The following CLEC16A variants were observed in gnomAD, a reference collection of about 807,000 sequenced individuals.
The protein encoded by CLEC16A is C-type lectin domain containing 16A.
Under a neutral mutation model 109.5 loss-of-function variants are expected in CLEC16A, and 51 were observed. The ratio of observed to expected loss-of-function variants is 0.47; its 90% CI spans 0.37 to 0.59. The LOEUF (loss-of-function observed/expected upper bound fraction) is 0.59, where lower values mean the gene tolerates loss of function less well. Among genes scored for constraint, CLEC16A ranks in the 20% least tolerant of loss-of-function variants. CLEC16A has a pLI of 0.00. For missense variants in CLEC16A, 1,339 were observed against 1,394.0 expected (o/e 0.96, Z 0.63); for synonymous variants, 673 against 564.2 (o/e 1.19, Z -2.73).
intron 19 of CLEC16A, chr16:11,070,431 T>G (rs541442145): frequency 6.7e-6 from 1 of 149,366 alleles, no homozygotes; most frequent in South Asian, 2.3e-4. Flanking sequence ...GGTCTCAAAC[T>G]CCTGTGCTCA....
chr16:11,155,384 A>G (rs1298641313), intron 22 of CLEC16A, among the ~76,000 whole-genome samples: 1 of 152,196 alleles, frequency 6.6e-6, no homozygotes, highest in African/African-American at 2.4e-5. Context: ...TCTCCTCACC[A>G]CCGTATCCTG....
At chr16:11,024,707 T>C (rs1597097266) in intron 12 of CLEC16A, 114 bp from the exon 13 acceptor site, 2 of 731,328 alleles carry the variant, frequency 2.7e-6, no homozygotes, top group South Asian at 3.3e-5. Flanking sequence ...AGGCACACAG[T>C]TGTGGCCTAA....
In CLEC16A at chr16:11,060,967, G is replaced by C. The variant is rs1294108851; in HGVS notation, c.2061G>C (p.Gln687His). 3 of 1,612,696 alleles carry C rather than the reference G, an allele frequency of 1.9e-6. No homozygotes were observed. Among genetic ancestry groups the C allele is most frequent in the Middle Eastern group, 1.6e-4 (1 of 6,062 alleles). ...SLQLRGEPET[Q>H]LPLTREEDLI... ...AATTGCGAGGGGAGCCTGAGACACA[G>C]TTGCCGCTGACTCGGGAGGAGGACC... The change falls in exon 19 of 24, where the codon CAG becomes CAC. Residue 687 changes from glutamine to histidine, a missense_variant. Around this residue, in one of 3 missense-constraint regions of CLEC16A, gnomAD observed 1,061 missense variants for 1,006.8 expected, o/e 1.05. Transcript: ENST00000409790.
intron 22 of CLEC16A, among the ~76,000 whole-genome samples, chr16:11,136,763 G>A (rs1332022161): frequency 6.6e-6 from 1 of 152,208 alleles, no homozygotes; most frequent in Non-Finnish European, 1.5e-5. Flanking sequence ...AGCCAGGGCT[G>A]GAGAAGAGCA....
intron 11 of CLEC16A, among the ~76,000 whole-genome samples, chr16:11,007,546 C>T (rs2045102826): frequency 6.6e-6 from 1 of 152,198 alleles, no homozygotes; most frequent in African/African-American, 2.4e-5. Context: ...GAGGGGACTT[C>T]CTAATGCCTG....
At chr16:11,044,411 T>C (rs1337023020) in intron 16 of CLEC16A, among the ~76,000 whole-genome samples, 2 of 152,226 alleles carry the variant, frequency 1.3e-5, no homozygotes, top group Non-Finnish European at 2.9e-5. Flanking sequence ...GATGCACTTA[T>C]GTTCATAAGT....
intron 22 of CLEC16A, among the ~76,000 whole-genome samples, chr16:11,131,836 C>G (rs1017024844): frequency 7.2e-5 from 11 of 152,212 alleles, no homozygotes; most frequent in Non-Finnish European, 1.5e-4. Context: ...CCCCTCGGCT[C>G]TCTGCAGATG....
At chr16:10,946,269 G>C (rs1205415789) in intron 1 of CLEC16A, among the ~76,000 whole-genome samples, 1 of 152,228 alleles carries the variant, frequency 6.6e-6, no homozygotes, top group Non-Finnish European at 1.5e-5. Flanking sequence ...GGATTGGTGG[G>C]AGGGAATTAG....
At chr16:11,015,527 G>A (rs2045693726) in intron 11 of CLEC16A, among the ~76,000 whole-genome samples, 1 of 152,196 alleles carries the variant, frequency 6.6e-6, no homozygotes, top group Non-Finnish European at 1.5e-5. Flanking sequence ...GGAGCCCACG[G>A]CAGTCAGAGG....
At chr16:11,014,336 C>T (rs2045613775) in intron 11 of CLEC16A, among the ~76,000 whole-genome samples, 1 of 152,160 alleles carries the variant, frequency 6.6e-6, no homozygotes, top group Non-Finnish European at 1.5e-5. Context: ...TTGATTCCAT[C>T]GGTCTGTTAT....
chr16:11,065,178 G>A (rs545643573), intron 19 of CLEC16A, among the ~76,000 whole-genome samples: 3 of 152,300 alleles, frequency 2.0e-5, no homozygotes, highest in African/African-American at 7.2e-5. Context: ...AGAAACCACA[G>A]ATTCCTTGGG....
At chr16:11,078,858 T>G (rs1159746955) in intron 19 of CLEC16A, among the ~76,000 whole-genome samples, 3 of 152,184 alleles carry the variant, frequency 2.0e-5, no homozygotes, top group Non-Finnish European at 4.4e-5. Flanking sequence ...GAGAGGCCTG[T>G]GGTATTTAAG....
intron 1 of CLEC16A, among the ~76,000 whole-genome samples, chr16:10,948,844 G>A (rs902360561): frequency 6.6e-6 from 1 of 152,164 alleles, no homozygotes; most frequent in African/African-American, 2.4e-5. Flanking sequence ...CAGGCAGGCT[G>A]CAGGCTTACA....
At position 11,024,930 on chromosome 16, in the gene CLEC16A, C is replaced by T. The variant is rs199608595; in HGVS notation, c.1537+9C>T. 1 of 1,580,942 alleles carries T rather than the reference C, an allele frequency of 6.3e-7. No individual in the cohort carries two copies. The highest frequency in any genetic ancestry group is 8.6e-7 in the Non-Finnish European group (1 of 1,157,256). On this transcript the variant is annotated intron_variant, in intron 13 of 23. Transcript: ENST00000409790. The stretch of plus-strand genomic sequence containing the variant: ...CATGTCTCATAATAAAGGTAAGCAC[C>T]CTTGCCTTGCCTGACTTCCTTGCTG...
intron 17 of CLEC16A, among the ~76,000 whole-genome samples, chr16:11,050,152 G>C (rs532938779): frequency 2.0e-5 from 3 of 152,220 alleles, no homozygotes; most frequent in Non-Finnish European, 4.4e-5. Flanking sequence ...ATGCGAAAGG[G>C]CAAGACAGAG....
At chr16:10,948,586 G>A (rs2041554983) in intron 1 of CLEC16A, among the ~76,000 whole-genome samples, 2 of 152,226 alleles carry the variant, frequency 1.3e-5, no homozygotes, top group Admixed American at 6.5e-5. Context: ...CAAGTCTGCG[G>A]CTGGTAGAAA....
intron 23 of CLEC16A, among the ~76,000 whole-genome samples, chr16:11,177,890 T>A (rs2068820712): frequency 6.6e-6 from 1 of 151,848 alleles, no homozygotes; most frequent in Admixed American, 6.6e-5. Flanking sequence ...GGTTCCCTCT[T>A]GGGTAAATGT....
At chr16:11,135,680 G>T (rs988519805) in intron 22 of CLEC16A, among the ~76,000 whole-genome samples, 1 of 152,256 alleles carries the variant, frequency 6.6e-6, no homozygotes, top group African/African-American at 2.4e-5. Flanking sequence ...CCGTGCAGTA[G>T]GTGGGGGGAG....
At chr16:11,047,409 C>A in intron 17 of CLEC16A, 67 bp downstream of exon 17, 1 of 1,290,948 alleles carries the variant, frequency 7.7e-7, no homozygotes, top group Non-Finnish European at 1.1e-6. Flanking sequence ...TCCCCCTGCC[C>A]ATCCCAGAGG....
Sources: allele counts gnomAD v4.1 joint callset (sites outside exome capture counted in the v4.1 genomes callset), GRCh38; gene constraint gnomAD v4.1.1; regional missense constraint gnomAD v4.1.1; transcripts MANE v1.5; gene names NCBI Gene and HGNC (gene_info 2026-07-23, HGNC 2026-07-21).